The following TSHR variants were observed in gnomAD, a reference collection of about 807,000 sequenced individuals.
TSHR encodes the protein thyrotropin receptor.
Under a neutral mutation model 64.1 loss-of-function variants are expected in TSHR, and 51 were observed. The ratio of observed to expected loss-of-function variants is 0.80; its 90% CI spans 0.64 to 1.01. The LOEUF (loss-of-function observed/expected upper bound fraction) is 1.01. Among genes scored for constraint, TSHR ranks in the 50% least tolerant of loss-of-function variants. TSHR has a pLI of 0.00. For synonymous variants in TSHR, 361 were observed against 361.9 expected, an observed-to-expected ratio of 1.00 and a Z score of 0.03; for missense variants, 877 against 942.8, an observed-to-expected ratio of 0.93 and a Z score of 0.91.
In TSHR at chr14:81,015,885, G is replaced by C. The variant is rs547683083; in HGVS notation, c.171-46263G>C. Among the ~76,000 whole-genome samples, 36 of 151,748 alleles carry C rather than the reference G, an allele frequency of 2.4e-4. 2 individuals are homozygous for C. The highest frequency in any genetic ancestry group is 1.4e-3 in the East Asian group (7 of 5,154). On this transcript the variant is annotated intron_variant, in intron 1 of 9. Transcript: ENST00000298171. The stretch of plus-strand genomic sequence containing the variant: ...GTGAGATCATGCGGTATTTGTCTTT[G>C]TGTACCTGGCCAATTTCACTTAACA...
intron 6 of TSHR, among the ~76,000 whole-genome samples, chr14:81,095,081 G>A (rs10142999): frequency 0.26 from 39,223 of 151,908 alleles, 7,487 homozygotes; most frequent in African/African-American, 0.54. Flanking sequence ...AGATTACTGT[G>A]GTTTTCAAGG....
chr14:80,988,077 T>A (rs1288189662), intron 1 of TSHR, among the ~76,000 whole-genome samples: 1 of 152,230 alleles, frequency 6.6e-6, no homozygotes, highest in Non-Finnish European at 1.5e-5. Flanking sequence ...TGACCTATTG[T>A]CATCATTAAA....
chr14:81,069,430 G>A (rs150450660), intron 3 of TSHR, among the ~76,000 whole-genome samples: 98 of 152,166 alleles, frequency 6.4e-4, no homozygotes, highest in Non-Finnish European at 1.0e-3. Context: ...ATAACTTAAG[G>A]AGCTGAATTT....
At chr14:81,060,608 T>C (rs1215410188) in intron 1 of TSHR, among the ~76,000 whole-genome samples, 1 of 152,128 alleles carries the variant, frequency 6.6e-6, no homozygotes, top group Non-Finnish European at 1.5e-5. Flanking sequence ...AAGTTACAGA[T>C]ATATTTTAAT....
At chr14:81,092,063 T>C (rs1888778356) in intron 5 of TSHR, among the ~76,000 whole-genome samples, 1 of 152,202 alleles carries the variant, frequency 6.6e-6, no homozygotes, top group Admixed American at 6.5e-5. Flanking sequence ...TTCCAGAAAC[T>C]AGAATGGCGT....
rs529637472 is a variant in TSHR, at chr14:81,145,431, C to A, written c.*1078C>A. ...TTCACTTTTGATTATGATGTCTGAG[C>A]CAAAAATTCAATTAAGTAAACATAC... On this transcript the variant is annotated 3_prime_UTR_variant, in exon 10 of 10. Coordinates refer to ENST00000298171, the MANE Select transcript of TSHR (RefSeq NM_000369.5). 1 of 233,034 alleles carries A rather than the reference C, an allele frequency of 4.3e-6. No homozygotes were observed. 14.4% of individuals were successfully genotyped at this position (233,034 alleles called of 1,614,324 possible).
At chr14:81,091,263 A>T in intron 5 of TSHR, 120 bp downstream of exon 5, 1 of 898,508 alleles carries the variant, frequency 1.1e-6, no homozygotes, top group Non-Finnish European at 1.8e-6. Context: ...GTAAGCAATG[A>T]TCAGGTGTGA....
intron 1 of TSHR, among the ~76,000 whole-genome samples, chr14:81,055,196 C>A (rs908205987): frequency 6.6e-5 from 10 of 152,188 alleles, no homozygotes; most frequent in African/African-American, 2.4e-4. Context: ...CAAGCCTTGG[C>A]AGCTTCCACA....
Position 80,955,653 on chromosome 14 carries a change from G to T in TSHR, c.-28G>T. ...TGAGAATGAGGCGATTTCGGAGGAT[G>T]GAGAAATAGCCCCGAGTCCCGTGGA... On this transcript the variant is annotated 5_prime_UTR_variant, in exon 1 of 10. The change abolishes an upstream ATG in the 5' untranslated region. Transcript: ENST00000298171. 6.2e-7 allele frequency: 1 copy of T among 1,613,182 alleles called. No homozygotes were observed. Among genetic ancestry groups the T allele is most frequent in the Non-Finnish European group, 8.5e-7 (1 of 1,179,798 alleles).
At chr14:81,062,997 A>G (rs548083793) in intron 2 of TSHR, among the ~76,000 whole-genome samples, 100 of 152,226 alleles carry the variant, frequency 6.6e-4, no homozygotes, top group Non-Finnish European at 1.0e-3. Flanking sequence ...CTAAATGCCC[A>G]CTAGAGAGGG....
intron 1 of TSHR, among the ~76,000 whole-genome samples, chr14:81,015,037 T>C (rs1454125615): frequency 6.6e-6 from 1 of 152,196 alleles, no homozygotes; most frequent in African/African-American, 2.4e-5. Flanking sequence ...GTGGTGTGAA[T>C]ACAGAAATGG....
At chr14:81,089,488 A>T (rs1888557594) in intron 4 of TSHR, among the ~76,000 whole-genome samples, 1 of 152,204 alleles carries the variant, frequency 6.6e-6, no homozygotes, top group Non-Finnish European at 1.5e-5. Context: ...TGTGGGGAAC[A>T]TACAGGTTTC....
At chr14:81,096,084 T>C (rs987885382) in intron 6 of TSHR, among the ~76,000 whole-genome samples, 2 of 151,604 alleles carry the variant, frequency 1.3e-5, no homozygotes, top group African/African-American at 4.9e-5. Context: ...ATGGTCTATC[T>C]ACTTTCTTAG....
At chr14:81,048,498 G>T (rs1437815412) in intron 1 of TSHR, among the ~76,000 whole-genome samples, 1 of 152,124 alleles carries the variant, frequency 6.6e-6, no homozygotes, top group African/African-American at 2.4e-5. Context: ...GAGTGCAGGG[G>T]TGTATGTGCG....
At chr14:81,129,961 A>G (rs1433558199) in intron 8 of TSHR, among the ~76,000 whole-genome samples, 3 of 152,114 alleles carry the variant, frequency 2.0e-5, no homozygotes, top group Non-Finnish European at 4.4e-5. Flanking sequence ...TTCCATCTTA[A>G]AACAATGTTT....
chr14:81,014,255 C>T (rs556707250), intron 1 of TSHR: 1 of 152,104 alleles, frequency 6.6e-6, no homozygotes, highest in South Asian at 2.1e-4. Context: ...AGTGTTTGTC[C>T]CCTCAGAAAC....
intron 3 of TSHR, among the ~76,000 whole-genome samples, chr14:81,085,345 A>C (rs1316829967): frequency 6.6e-6 from 1 of 152,186 alleles, no homozygotes; most frequent in Admixed American, 6.5e-5. Flanking sequence ...TTCAGGAGAT[A>C]CTTTTCAAAA....
Position 81,139,840 on chromosome 14 carries a change from CT to C in TSHR, c.858del (p.Phe286LeufsTer14). The C allele has an allele frequency of 6.2e-7, 1 of 1,614,194 alleles. No individual in the cohort carries two copies. Among genetic ancestry groups the C allele is most frequent in the Non-Finnish European group, 8.5e-7 (1 of 1,180,024 alleles). On this transcript the variant is annotated frameshift_variant, in exon 9 of 10. Coordinates refer to ENST00000298171, the MANE Select transcript of TSHR (RefSeq NM_000369.5). LOFTEE classifies it high-confidence loss of function. Reference sequence around the variant, plus strand: ...CTTTCTTACCCAAGCCACTGCTGTGCTTTTAAGAATCAGAAGAAAATCAGAG... The same window carrying C: ...CTTTCTTACCCAAGCCACTGCTGTGCTTTAAGAATCAGAAGAAAATCAGAG... ...ADLSYPSHCC[A>X]FKNQKKIRGI...
intron 1 of TSHR, among the ~76,000 whole-genome samples, chr14:81,033,610 G>T (rs1884468653): frequency 7.4e-6 from 1 of 135,118 alleles, no homozygotes; most frequent in African/African-American, 2.8e-5. Context: ...TTTTCCATAT[G>T]GTCTTTTTCT....
Sources: gnomAD v4.1 joint callset for allele counts (sites outside exome capture counted in the v4.1 genomes callset) on GRCh38, gnomAD v4.1.1 for gene constraint, MANE v1.5 for transcripts, NCBI Gene and HGNC (gene_info 2026-07-23, HGNC 2026-07-21) for gene names.